SUCLA2: variants seen among roughly 807,000 people sequenced by gnomAD.
SUCLA2 encodes the protein succinate--CoA ligase [ADP-forming] subunit beta, mitochondrial.
Under a neutral mutation model 54.8 loss-of-function variants are expected in SUCLA2, and 30 were observed. The observed-to-expected ratio is 0.55, with a 90% confidence interval of 0.41 to 0.74. The LOEUF (loss-of-function observed/expected upper bound fraction) is 0.74, where lower values mean the gene tolerates loss of function less well. SUCLA2 is among the 30% of genes least tolerant of loss of function. The probability of loss-of-function intolerance (pLI) is 0.00; values close to 1 mark genes in which losing one functional copy is unlikely to be tolerated. For missense variants in SUCLA2, 476 were observed against 562.9 expected, an observed-to-expected ratio of 0.85 and a Z score of 1.56; for synonymous variants, 172 against 188.9, an observed-to-expected ratio of 0.91 and a Z score of 0.74.
chr13:47,998,680 G>A (rs1264472410), intron 1 of SUCLA2, among the ~76,000 whole-genome samples: 38 of 152,264 alleles, frequency 2.5e-4, no homozygotes, highest in East Asian at 3.9e-4. Flanking sequence ...TTTTTATAGC[G>A]TTCAAAACCA....
chr13:47,952,219 C>G (rs1407397455), intron 8 of SUCLA2, among the ~76,000 whole-genome samples: 1 of 152,080 alleles, frequency 6.6e-6, no homozygotes, highest in Non-Finnish European at 1.5e-5. Flanking sequence ...CACCTTGGTC[C>G]TTCGATGTCA....
At chr13:48,000,675 T>C (rs953744991) in intron 1 of SUCLA2, among the ~76,000 whole-genome samples, 1 of 152,174 alleles carries the variant, frequency 6.6e-6, no homozygotes, top group Non-Finnish European at 1.5e-5. Flanking sequence ...AGTATACAAC[T>C]ACTTGGAGGA....
chr13:47,994,162 T>C (rs543162915), intron 2 of SUCLA2, among the ~76,000 whole-genome samples: 11 of 152,092 alleles, frequency 7.2e-5, no homozygotes, highest in African/African-American at 2.7e-4. Flanking sequence ...AACTCAGCAT[T>C]GGGAATTGCT....
chr13:48,000,763 A>G, intron 1 of SUCLA2: 1 of 787,516 alleles, frequency 1.3e-6, no homozygotes, highest in African/African-American at 1.9e-5. Flanking sequence ...CCCACCTATG[A>G]CAGCTCCCAA....
At chr13:47,960,490 G>T (rs1020783422) in intron 6 of SUCLA2, among the ~76,000 whole-genome samples, 1 of 151,968 alleles carries the variant, frequency 6.6e-6, no homozygotes, top group Non-Finnish European at 1.5e-5. Flanking sequence ...AAAAGTAGGG[G>T]AGAATAAAAA....
intron 6 of SUCLA2, among the ~76,000 whole-genome samples, chr13:47,959,503 G>GGA (rs1949850009): frequency 5.3e-5 from 1 of 18,722 alleles, no homozygotes; most frequent in Non-Finnish European, 2.2e-4. Flanking sequence ...GGGGAGCGGG[G>GGA]GGAGGAGGAG....
intron 2 of SUCLA2, among the ~76,000 whole-genome samples, chr13:47,992,346 C>T (rs909469643): frequency 9.4e-6 from 1 of 106,096 alleles, no homozygotes; most frequent in Non-Finnish European, 1.9e-5. Flanking sequence ...GATGATTCTT[C>T]GAAAGTTCCT....
chr13:47,954,297 ATGATT>A lies in SUCLA2; in HGVS notation c.965-20_965-16del, dbSNP rs1313070935. ...AGCACCATTTACTATATAGGGGAAAATGATTTGTATAAGCAACAAACACAGAGAAA... is the reference window on the plus strand; with the variant it reads ...AGCACCATTTACTATATAGGGGAAAATGTATAAGCAACAAACACAGAGAAA... On this transcript the variant is annotated splice_polypyrimidine_tract_variant and intron_variant, in intron 7 of 10. Coordinates refer to ENST00000646932, the MANE Select transcript of SUCLA2 (RefSeq NM_003850.3). The A allele has an allele frequency of 6.2e-7, 1 of 1,613,830 alleles. No homozygotes were observed. The highest frequency in any genetic ancestry group is 8.5e-7 in the Non-Finnish European group (1 of 1,179,788).
chr13:47,964,983 TAAAA>T (rs3056600), intron 6 of SUCLA2, among the ~76,000 whole-genome samples: 6 of 144,728 alleles, frequency 4.1e-5, no homozygotes, highest in Admixed American at 6.8e-5. Context: ...TTCATTTATT[TAAAA>T]AAAAAAAAAA....
chr13:47,943,766 G>GTGTATATATATATA (rs1300486540), intron 10 of SUCLA2, among the ~76,000 whole-genome samples: 1,409 of 139,576 alleles, frequency 0.01, 14 homozygotes, highest in South Asian at 0.038. Context: ...GTGTGTGTGT[G>GTGTATATATATATA]TATATATATA....
At chr13:47,965,528 A>C (rs1162684786) in intron 6 of SUCLA2, 17 of 389,942 alleles carry the variant, frequency 4.4e-5, no homozygotes, top group African/African-American at 1.0e-4. Flanking sequence ...AAAAAAAAAA[A>C]CAAAGAAAAA....
At chr13:47,958,529 A>G (rs1949840153) in intron 6 of SUCLA2, among the ~76,000 whole-genome samples, 1 of 152,260 alleles carries the variant, frequency 6.6e-6, no homozygotes, top group Admixed American at 6.5e-5. Context: ...TAAAATAGTT[A>G]GTAAAATGAA....
At chr13:47,990,011 G>A (rs1950137275) in intron 2 of SUCLA2, among the ~76,000 whole-genome samples, 1 of 152,092 alleles carries the variant, frequency 6.6e-6, no homozygotes, top group Non-Finnish European at 1.5e-5. Context: ...TGGAAAACCA[G>A]CAAACTGGCT....
intron 6 of SUCLA2, among the ~76,000 whole-genome samples, chr13:47,957,209 G>C (rs1009476753): frequency 2.6e-5 from 4 of 151,990 alleles, no homozygotes; most frequent in Admixed American, 1.3e-4. Context: ...TATAAACCCC[G>C]AGTTTTAGCC....
At chr13:47,995,400 A>G (rs1950183489) in intron 2 of SUCLA2, among the ~76,000 whole-genome samples, 1 of 150,034 alleles carries the variant, frequency 6.7e-6, no homozygotes, top group Admixed American at 6.6e-5. Context: ...ATTTAAAATA[A>G]TTCTTTCTGA....
At chr13:47,983,638 T>C (rs1171641811) in intron 4 of SUCLA2, among the ~76,000 whole-genome samples, 2 of 152,004 alleles carry the variant, frequency 1.3e-5, no homozygotes, top group Non-Finnish European at 2.9e-5. Flanking sequence ...TACAGGCGCC[T>C]GCCGCCACGC....
At chr13:47,945,440 A>AAAC (rs1555255754) in intron 10 of SUCLA2, among the ~76,000 whole-genome samples, 2 of 148,692 alleles carry the variant, frequency 1.3e-5, no homozygotes, top group African/African-American at 5.0e-5. Context: ...AAAAAAAAAA[A>AAAC]AAAATCAAGA....
chr13:47,970,774 C>T (rs999757436), intron 5 of SUCLA2, among the ~76,000 whole-genome samples: 22 of 152,172 alleles, frequency 1.4e-4, no homozygotes, highest in East Asian at 5.8e-4. Context: ...GCAGGGGAAT[C>T]GCTTGAACCC....
intron 4 of SUCLA2, among the ~76,000 whole-genome samples, chr13:47,981,862 G>A (rs1345912877): frequency 2.6e-5 from 4 of 152,078 alleles, no homozygotes; most frequent in African/African-American, 7.2e-5. Context: ...GTGGGTGCCT[G>A]TAATTCCAGC....
Sources: allele counts gnomAD v4.1 joint callset (sites outside exome capture counted in the v4.1 genomes callset), GRCh38; gene constraint gnomAD v4.1.1; transcripts MANE v1.5; gene names NCBI Gene and HGNC (gene_info 2026-07-23, HGNC 2026-07-21).